The following KMT5B variants were observed in gnomAD, a reference collection of about 807,000 sequenced individuals.
The protein encoded by KMT5B is histone-lysine N-methyltransferase KMT5B.
A neutral mutation model predicts 83.2 loss-of-function variants in KMT5B; 10 were observed. That is an observed-to-expected ratio of 0.12 (90% confidence interval 0.07 to 0.20). The LOEUF is 0.20. KMT5B is among the 10% of genes least tolerant of loss of function. KMT5B has a pLI of 1.00. For missense variants in KMT5B, 753 were observed against 1,067.2 expected, an observed-to-expected ratio of 0.71 and a Z score of 4.10; for synonymous variants, 349 against 388.8, an observed-to-expected ratio of 0.90 and a Z score of 1.20.
intron 2 of KMT5B, among the ~76,000 whole-genome samples, chr11:68,188,309 C>A (rs1432020879): frequency 1.3e-5 from 2 of 152,014 alleles, no homozygotes; most frequent in East Asian, 1.9e-4. Context: ...CAGGCGTGAG[C>A]CACCACGCCC....
intron 4 of KMT5B, among the ~76,000 whole-genome samples, chr11:68,175,554 CT>C (rs772482786): frequency 1.1e-4 from 17 of 152,176 alleles, no homozygotes; most frequent in Non-Finnish European, 2.2e-4. Flanking sequence ...TAGTCGTCAA[CT>C]TTGGGAGACA....
Position 68,171,513 on chromosome 11 carries a change from T to C in KMT5B, c.820+30A>G. On this transcript the variant is annotated intron_variant, in intron 7 of 10. Transcript: ENST00000304363. This position sits in a 1 kb window ranked among gnomAD's most constrained non-coding sequence, Gnocchi z 5.1. ...AGCAGTTAGCAGGAATGGCCAACACTAGCGCCAACACCTTGGAAACACAGC... is the reference window on the plus strand; with the variant it reads ...AGCAGTTAGCAGGAATGGCCAACACCAGCGCCAACACCTTGGAAACACAGC... 6.2e-7 allele frequency: 1 copy of C among 1,605,660 alleles called. No individual in the cohort carries two copies. Among genetic ancestry groups the C allele is most frequent in the Non-Finnish European group, 8.5e-7 (1 of 1,175,626 alleles).
Position 68,186,534 on chromosome 11 carries a change from A to G in KMT5B, c.161-606T>C, listed in dbSNP as rs1345300396. Among the ~76,000 whole-genome samples, 4 of 152,232 alleles carry G rather than the reference A, an allele frequency of 2.6e-5. No homozygotes were observed. In the East Asian group the frequency reaches 5.8e-4, roughly 22 times the overall value. On this transcript the variant is annotated intron_variant, in intron 2 of 10. Coordinates refer to ENST00000304363, the MANE Select transcript of KMT5B (RefSeq NM_017635.5). ...GAAGTGGAGAGAGAATGACAGACCT[A>G]TTTCTACTGACCTCTGTTTGAAGCA...
At position 68,158,884 on chromosome 11, in the gene KMT5B, A is replaced by C; in HGVS notation, c.1462T>G (p.Leu488Val). 10 of 1,614,044 alleles carry C rather than the reference A, an allele frequency of 6.2e-6. No homozygotes were observed. The highest frequency in any genetic ancestry group is 8.5e-6 in the Non-Finnish European group (10 of 1,180,016). Residue 488 changes from leucine (L) to valine (V), a missense_variant, in exon 11 of 11, where the codon TTG (leucine) becomes GTG (valine). Leu to Val is a conservative substitution (Grantham distance 32). Coordinates refer to ENST00000304363, the MANE Select transcript of KMT5B (RefSeq NM_017635.5). ...KEPKVVLYKNLPIKKDKEPEG... is the reference protein window; with the variant it reads ...KEPKVVLYKNVPIKKDKEPEG... ...GGCTCCTTATCTTTTTTAATGGGCA[A>C]ATTTTTATACAGAACTACTTTAGGC... is the stretch of plus-strand genomic sequence containing the variant.
At chr11:68,193,675 T>C (rs995280257) in intron 1 of KMT5B, among the ~76,000 whole-genome samples, 2 of 152,202 alleles carry the variant, frequency 1.3e-5, no homozygotes, top group African/African-American at 4.8e-5. Context: ...CTATCTATTC[T>C]ACATCAGTTA....
At position 68,158,538 on chromosome 11, in the gene KMT5B, T is replaced by TTAA; in HGVS notation, c.1807_1808insTTA (p.His603delinsLeuAsn). ...TTTGGACATGCCTGTGTCACTCTTA[T>TTAA]GACACTTTGCCTCCCCTTTTTGTGC... On this transcript the variant is annotated protein_altering_variant, in exon 11 of 11. Coordinates refer to ENST00000304363, the MANE Select transcript of KMT5B (RefSeq NM_017635.5). The TTAA allele has an allele frequency of 6.2e-7, 1 of 1,614,226 alleles. No homozygotes were observed. The highest frequency in any genetic ancestry group is 8.5e-7 in the Non-Finnish European group (1 of 1,180,036).
chr11:68,164,602 A>G, intron 10 of KMT5B: 2 of 496,258 alleles, frequency 4.0e-6, no homozygotes, highest in South Asian at 3.0e-5. Context: ...CTTCAGAGAG[A>G]GCACTGAGCC....
chr11:68,184,351 G>A (rs1006128493), intron 3 of KMT5B, among the ~76,000 whole-genome samples: 2 of 151,898 alleles, frequency 1.3e-5, no homozygotes, highest in Middle Eastern at 3.4e-3. Context: ...CAGTCTGGGC[G>A]ACAGAGTGAG....
chr11:68,172,163 A>G (rs1855895917), intron 6 of KMT5B, among the ~76,000 whole-genome samples: 1 of 152,210 alleles, frequency 6.6e-6, no homozygotes, highest in Non-Finnish European at 1.5e-5. Flanking sequence ...CCAAATTTTC[A>G]ATCTTAAATT....
intron 4 of KMT5B, chr11:68,176,496 C>T (rs1448871970): frequency 2.0e-5 from 3 of 151,840 alleles, no homozygotes; most frequent in South Asian, 2.1e-4. Flanking sequence ...TAATTCTAAC[C>T]GGATTATGGC....
chr11:68,186,023 T>A, intron 2 of KMT5B, 95 bp from the exon 3 acceptor site: 1 of 1,121,796 alleles, frequency 8.9e-7, no homozygotes, highest in Admixed American at 2.5e-5. Context: ...AAGCTGGTAA[T>A]AAAGAACTGA....
In KMT5B at chr11:68,156,497, A is replaced by T. The variant is rs919730708; in HGVS notation, c.*1191T>A. The T allele has an allele frequency of 1.3e-4, 20 of 152,658 alleles. No individual in the cohort carries two copies. The highest frequency in any genetic ancestry group is 4.6e-4 in the African/African-American group (19 of 41,464). 9.5% of individuals were successfully genotyped at this position (152,658 alleles called of 1,614,324 possible). A position where few individuals can be genotyped will look rare whatever the true frequency, so the allele number is the denominator to read the frequency against. ...TTTGATGTTTTCATAATAAACTAACATAAACTAACATAAGCCAAGAACTCC... is the reference window on the plus strand; with the variant it reads ...TTTGATGTTTTCATAATAAACTAACTTAAACTAACATAAGCCAAGAACTCC... On this transcript the variant is annotated 3_prime_UTR_variant, in exon 11 of 11. Transcript: ENST00000304363.
Position 68,155,337 on chromosome 11 carries a change from T to G in KMT5B, c.*2351A>C, listed in dbSNP as rs1038870896. 4.6e-5 allele frequency: 7 copies of G among 152,190 alleles called. No individual in the cohort carries two copies. The highest frequency in any genetic ancestry group is 1.0e-4 in the Non-Finnish European group (7 of 68,036). The allele number at this position is 152,190 out of a possible 1,614,324, so 9.4% of individuals were successfully genotyped here. A position where few individuals can be genotyped will look rare whatever the true frequency, so the allele number is the denominator to read the frequency against. On this transcript the variant is annotated 3_prime_UTR_variant, in exon 11 of 11. Coordinates refer to ENST00000304363, the MANE Select transcript of KMT5B (RefSeq NM_017635.5). ...ATCAACAGTGGCTGCTGAGTGCTTG[T>G]GCATACCGACTCCTGAGAGGCAGTG... is the stretch of plus-strand genomic sequence containing the variant.
intron 10 of KMT5B, among the ~76,000 whole-genome samples, chr11:68,163,662 C>T (rs775559299): frequency 6.6e-6 from 1 of 152,200 alleles, no homozygotes; most frequent in Admixed American, 6.5e-5. Flanking sequence ...GCTGGAGGAT[C>T]CAGAAGGCCT....
intron 4 of KMT5B, chr11:68,179,773 CCA>C (rs1490128617): frequency 9.2e-6 from 5 of 543,382 alleles, no homozygotes; most frequent in Non-Finnish European, 1.1e-5. Context: ...AGCTGCAAAT[CCA>C]CAGTTTGTAG....
At chr11:68,161,538 C>T (rs552435728) in intron 10 of KMT5B, among the ~76,000 whole-genome samples, 1 of 152,242 alleles carries the variant, frequency 6.6e-6, no homozygotes, top group East Asian at 1.9e-4. Flanking sequence ...AACAGCAATC[C>T]CCGCCATCTG....
In KMT5B at chr11:68,165,838, T is replaced by TGCTACA. The variant is rs1565220553; in HGVS notation, c.1174+1138_1174+1143dup. ...GAATAGGGCTACAGCGCTGCTTTTA[T>TGCTACA]GCTACACGGGTTATGCTTGGACTCT... On this transcript the variant is annotated intron_variant, in intron 10 of 10. Transcript: ENST00000304363. 1.9e-5 allele frequency: 31 copies of TGCTACA among 1,611,960 alleles called. No homozygotes were observed. The South Asian group carries it at 3.3e-4, about 17-fold the overall frequency.
chr11:68,196,551 C>A, intron 1 of KMT5B, among the ~76,000 whole-genome samples: 1 of 150,300 alleles, frequency 6.7e-6, no homozygotes, highest in East Asian at 1.9e-4. Context: ...AACTATATTT[C>A]TGCATTAAAA....
chr11:68,213,008 G>A (rs1202515710), intron 1 of KMT5B, 130 bp downstream of exon 1: 2 of 16,958 alleles, frequency 1.2e-4, no homozygotes, highest in Non-Finnish European at 2.2e-4. Context: ...GCCCGGCCCC[G>A]GCCCCACCCG....
Sources: gnomAD v4.1 joint callset for allele counts (sites outside exome capture counted in the v4.1 genomes callset) on GRCh38, gnomAD v4.1.1 for gene constraint, Gnocchi (gnomAD v3.1) non-coding constraint, MANE v1.5 for transcripts, NCBI Gene and HGNC (gene_info 2026-07-23, HGNC 2026-07-21) for gene names.